Variants in BTBD10 observed in about 807,000 individuals in gnomAD.
The protein encoded by BTBD10 is BTB/POZ domain-containing protein 10.
In BTBD10, 21 loss-of-function variants were observed where a neutral mutation model predicts 53.2. That is an observed-to-expected ratio of 0.39 (90% CI 0.28 to 0.57). BTBD10 has a LOEUF of 0.57. Ranked by LOEUF, BTBD10 falls within the 20% of genes least tolerant of loss-of-function variation. The pLI, the probability that BTBD10 is intolerant of heterozygous loss-of-function variation, is 0.53. For missense variants in BTBD10, 360 were observed against 594.7 expected (o/e 0.61, Z 4.10); for synonymous variants, 149 against 192.7 (o/e 0.77, Z 1.88).
At chr11:13,436,279 C>T (rs1950542032) in intron 2 of BTBD10, among the ~76,000 whole-genome samples, 1 of 152,116 alleles carries the variant, frequency 6.6e-6, no homozygotes, top group African/African-American at 2.4e-5. Flanking sequence ...GGTTTTGGGC[C>T]AGGTAATTCT....
intron 3 of BTBD10, among the ~76,000 whole-genome samples, chr11:13,420,881 T>C (rs1307386033): frequency 6.6e-6 from 1 of 152,192 alleles, no homozygotes; most frequent in East Asian, 1.9e-4. Context: ...CTTTTGTTGA[T>C]GTCTGGCTTA....
At chr11:13,419,777 A>T (rs1191634232) in intron 3 of BTBD10, 32 bp from the exon 4 acceptor site, 2 of 1,481,332 alleles carry the variant, frequency 1.4e-6, no homozygotes, top group Non-Finnish European at 1.8e-6. Flanking sequence ...AAGTTATGCA[A>T]ATTTTCTTTT....
intron 8 of BTBD10, among the ~76,000 whole-genome samples, chr11:13,399,092 C>A (rs1196973502): frequency 1.3e-5 from 2 of 152,184 alleles, no homozygotes; most frequent in African/African-American, 4.8e-5. Context: ...GAATGTTGGC[C>A]TTCCTTGCTA....
chr11:13,427,187 A>G (rs1382946454), intron 2 of BTBD10, among the ~76,000 whole-genome samples: 1 of 152,060 alleles, frequency 6.6e-6, no homozygotes, highest in Admixed American at 6.6e-5. Flanking sequence ...ACTGCACTAC[A>G]GCCTGGGCAA....
Position 13,419,654 on chromosome 11 carries a change from G to A in BTBD10, c.390C>T (p.Ser130=). 4.3e-6 allele frequency: 7 copies of A among 1,614,072 alleles called. No individual in the cohort carries two copies. The highest frequency in any genetic ancestry group is 5.1e-6 in the Non-Finnish European group (6 of 1,179,990). Residue 130 remains serine, a synonymous_variant, in exon 4 of 9, where the codon AGC becomes AGT. Coordinates refer to ENST00000278174, the MANE Select transcript of BTBD10 (RefSeq NM_032320.7). The part of the protein sequence containing the change: ...PNGSISSAGN[S]SRNSSQSSSD... ...AACTTGACTGACTACTGTTTCTGCT[G>A]CTGTTCCCAGCACTGCTAATGGAAC... is the stretch of plus-strand genomic sequence containing the variant.
intron 5 of BTBD10, among the ~76,000 whole-genome samples, chr11:13,415,049 T>C (rs1165925575): frequency 6.6e-6 from 1 of 151,744 alleles, no homozygotes; most frequent in Non-Finnish European, 1.5e-5. Context: ...CCTCAAACTA[T>C]TTAAGAAAAT....
chr11:13,427,803 A>G lies in BTBD10; in HGVS notation c.102-5965T>C, dbSNP rs182221845. Among the ~76,000 whole-genome samples, 14 of 152,324 alleles carry G rather than the reference A, an allele frequency of 9.2e-5. No homozygotes were observed. The East Asian group carries it at 2.1e-3, about 23-fold the overall frequency. On this transcript the variant is annotated intron_variant, in intron 2 of 8. Coordinates refer to ENST00000278174, the MANE Select transcript of BTBD10 (RefSeq NM_032320.7). ...CTCTGATTACAATGGAATTAAAGTAAAATTCAATAACAGAGATACCTAGAA... is the reference window on the plus strand; with the variant it reads ...CTCTGATTACAATGGAATTAAAGTAGAATTCAATAACAGAGATACCTAGAA...
At chr11:13,405,454 C>G (rs552557196) in intron 7 of BTBD10, 1 of 564,554 alleles carries the variant, frequency 1.8e-6, no homozygotes, top group African/African-American at 1.9e-5. Context: ...TTGGGCATTG[C>G]GAGCCATGCA....
Position 13,412,311 on chromosome 11 carries a change from G to A in BTBD10, c.808+1219C>T, listed in dbSNP as rs985729589. Among the ~76,000 whole-genome samples, 9 of 152,212 alleles carry A rather than the reference G, an allele frequency of 5.9e-5. No individual in the cohort carries two copies. The South Asian group carries it at 1.9e-3, about 32-fold the overall frequency. ...TCTATTAAAACAAAAAAATTAGCCA[G>A]GTGTGGTGATGGGTGCCTGTAACCC... is the stretch of plus-strand genomic sequence containing the variant. On this transcript the variant is annotated intron_variant, in intron 6 of 8. Transcript: ENST00000278174.
intron 2 of BTBD10, among the ~76,000 whole-genome samples, chr11:13,424,428 T>C (rs1207017325): frequency 6.6e-6 from 1 of 152,228 alleles, no homozygotes; most frequent in Non-Finnish European, 1.5e-5. Flanking sequence ...TTTCTTTTAA[T>C]TCCCATATAG....
At chr11:13,436,687 C>T (rs1950548792) in intron 2 of BTBD10, among the ~76,000 whole-genome samples, 1 of 152,208 alleles carries the variant, frequency 6.6e-6, no homozygotes, top group Non-Finnish European at 1.5e-5. Flanking sequence ...CTGACTCAAA[C>T]CATGTCTAAT....
At chr11:13,456,045 G>A (rs1483501903) in intron 1 of BTBD10, among the ~76,000 whole-genome samples, 2 of 152,110 alleles carry the variant, frequency 1.3e-5, no homozygotes, top group South Asian at 2.1e-4. Context: ...TGCACTGTCC[G>A]AAAAGTTTAA....
chr11:13,414,100 AG>A (rs1950032721), intron 5 of BTBD10, among the ~76,000 whole-genome samples: 1 of 152,230 alleles, frequency 6.6e-6, no homozygotes, highest in Non-Finnish European at 1.5e-5. Context: ...TGAGGTTTTT[AG>A]TACAGAATTA....
At chr11:13,398,144 T>C (rs1157346036) in intron 8 of BTBD10, among the ~76,000 whole-genome samples, 1 of 152,190 alleles carries the variant, frequency 6.6e-6, no homozygotes, top group Non-Finnish European at 1.5e-5. Context: ...CAGTGGGGTG[T>C]TAAAGTCTCC....
At chr11:13,426,288 TAAG>T (rs1381827060) in intron 2 of BTBD10, among the ~76,000 whole-genome samples, 1 of 151,222 alleles carries the variant, frequency 6.6e-6, no homozygotes, top group African/African-American at 2.4e-5. Flanking sequence ...CGAAAAAAAA[TAAG>T]AAAGTACAGA....
chr11:13,390,365 G>A (rs1370503372), intron 8 of BTBD10, among the ~76,000 whole-genome samples: 1 of 144,204 alleles, frequency 6.9e-6, no homozygotes, highest in Non-Finnish European at 1.5e-5. Flanking sequence ...TTTTTTTTTT[G>A]GAGATAGAGT....
chr11:13,458,247 T>A (rs552348776), intron 1 of BTBD10, among the ~76,000 whole-genome samples: 99 of 152,238 alleles, frequency 6.5e-4, no homozygotes, highest in Middle Eastern at 3.4e-3. Flanking sequence ...TGGCAGTTTT[T>A]CCTTTTCTTA....
intron 1 of BTBD10, among the ~76,000 whole-genome samples, chr11:13,458,042 C>T (rs1401530944): frequency 6.7e-6 from 1 of 150,116 alleles, no homozygotes; most frequent in Non-Finnish European, 1.5e-5. Context: ...CGGTATGTGC[C>T]TATAATCCCA....
intron 1 of BTBD10, chr11:13,462,489 C>T (rs910776329): frequency 2.0e-5 from 3 of 152,248 alleles, no homozygotes; most frequent in Non-Finnish European, 4.4e-5. Flanking sequence ...CTGGCCCACA[C>T]TAACAAATTA....
Sources: gnomAD v4.1 joint callset for allele counts (sites outside exome capture counted in the v4.1 genomes callset) on GRCh38, gnomAD v4.1.1 for gene constraint, MANE v1.5 for transcripts, NCBI Gene and HGNC (gene_info 2026-07-23, HGNC 2026-07-21) for gene names.